Variants in UBE3C observed in about 807,000 individuals in gnomAD.
The protein encoded by UBE3C is ubiquitin-protein ligase E3C.
A neutral mutation model predicts 129.4 loss-of-function variants in UBE3C; 42 were observed. That is an observed-to-expected ratio of 0.32 (90% CI 0.25 to 0.42). UBE3C has a LOEUF of 0.42. Ranked by LOEUF, UBE3C falls within the 10% of genes least tolerant of loss-of-function variation. UBE3C has a pLI of 1.00. For missense variants in UBE3C, 1,049 were observed against 1,319.1 expected (o/e 0.80, Z 3.17); for synonymous variants, 510 against 492.4 (o/e 1.04, Z -0.47).
At chr7:157,165,501 G>A (rs989166043) in intron 2 of UBE3C, among the ~76,000 whole-genome samples, 3 of 151,196 alleles carry the variant, frequency 2.0e-5, no homozygotes, top group Middle Eastern at 3.4e-3. Flanking sequence ...AGGTTCAAGC[G>A]ATTCTCCTGC....
At chr7:157,230,690 G>A (rs1486162631) in intron 17 of UBE3C, among the ~76,000 whole-genome samples, 16 of 112,432 alleles carry the variant, frequency 1.4e-4, no homozygotes, top group East Asian at 5.2e-4. Context: ...GGCAGACCCC[G>A]TCTCAAAAAA....
intron 2 of UBE3C, among the ~76,000 whole-genome samples, chr7:157,164,731 A>G (rs981390281): frequency 2.6e-5 from 4 of 152,140 alleles, no homozygotes; most frequent in African/African-American, 9.7e-5. Context: ...CTTACTATGT[A>G]TGTACTAGGT....
At chr7:157,235,168 A>ATTTT (rs1796123130) in intron 18 of UBE3C, among the ~76,000 whole-genome samples, 1 of 152,182 alleles carries the variant, frequency 6.6e-6, no homozygotes, top group African/African-American at 2.4e-5. Flanking sequence ...CCAGCCTGGC[A>ATTTT]ACAAGAGCAA....
intron 1 of UBE3C, among the ~76,000 whole-genome samples, chr7:157,146,847 C>T (rs1807618572): frequency 6.6e-6 from 1 of 152,102 alleles, no homozygotes; most frequent in Non-Finnish European, 1.5e-5. Context: ...AACTGGATTT[C>T]ACCATGTTGG....
At chr7:157,142,854 A>ATTTT (rs10714296) in intron 1 of UBE3C, among the ~76,000 whole-genome samples, 1 of 142,084 alleles carries the variant, frequency 7.0e-6, no homozygotes, top group Non-Finnish European at 1.5e-5. Flanking sequence ...TAAAAGTTGA[A>ATTTT]TTTTTTTTTT....
At chr7:157,236,978 C>T (rs1192915157) in intron 18 of UBE3C, among the ~76,000 whole-genome samples, 1 of 152,110 alleles carries the variant, frequency 6.6e-6, no homozygotes, top group Non-Finnish European at 1.5e-5. Flanking sequence ...GTGATCTGCC[C>T]ATCTCAGCCT....
chr7:157,226,349 AT>A (rs1403639038), intron 17 of UBE3C, among the ~76,000 whole-genome samples: 2 of 152,196 alleles, frequency 1.3e-5, no homozygotes, highest in Non-Finnish European at 2.9e-5. Context: ...GTATGTTCAT[AT>A]TTGATACTCA....
intron 5 of UBE3C, among the ~76,000 whole-genome samples, chr7:157,177,559 G>A (rs757216989): frequency 3.3e-5 from 5 of 152,208 alleles, no homozygotes; most frequent in African/African-American, 9.6e-5. Context: ...TGCCCTTTGC[G>A]TCCCAGCGGC....
chr7:157,220,885 C>T (rs1242960829), intron 15 of UBE3C, 109 bp downstream of exon 15: 1 of 1,275,562 alleles, frequency 7.8e-7, no homozygotes, highest in Non-Finnish European at 1.1e-6. Flanking sequence ...AGCCATGTCA[C>T]TCCCAGCAGG....
intron 1 of UBE3C, among the ~76,000 whole-genome samples, chr7:157,147,987 A>G (rs1048137037): frequency 6.6e-6 from 1 of 152,212 alleles, no homozygotes. Flanking sequence ...AGGGACATCA[A>G]TTTAGGGTGT....
At chr7:157,159,879 C>A (rs941789076) in intron 1 of UBE3C, among the ~76,000 whole-genome samples, 2 of 152,130 alleles carry the variant, frequency 1.3e-5, no homozygotes, top group African/African-American at 4.8e-5. Flanking sequence ...AATCAGAATT[C>A]TTTGGTTAAT....
At position 157,207,861 on chromosome 7, in the gene UBE3C, A is replaced by G; in HGVS notation, c.1735A>G (p.Ile579Val). The G allele has an allele frequency of 1.2e-6, 2 of 1,613,826 alleles. No individual in the cohort carries two copies. The highest frequency in any genetic ancestry group is 1.6e-4 in the Middle Eastern group (1 of 6,062). Residue 579 changes from isoleucine to valine, a missense_variant, in exon 13 of 23, where the codon ATT becomes GTT. Around this residue, in one of 4 missense-constraint regions of UBE3C, gnomAD observed 314 missense variants for 416.9 expected, o/e 0.75. Coordinates refer to ENST00000348165, the MANE Select transcript of UBE3C (RefSeq NM_014671.3). ...REEYITAFQS[I>V]GVTTSSEMQQ... ...AGAATATATTACAGCATTTCAGAGTATTGGAGTTACTACTAGCTCTGAAAT... is the reference window on the plus strand; with the variant it reads ...AGAATATATTACAGCATTTCAGAGTGTTGGAGTTACTACTAGCTCTGAAAT...
chr7:157,188,396 T>G (rs771353094), intron 10 of UBE3C, among the ~76,000 whole-genome samples: 5 of 152,240 alleles, frequency 3.3e-5, no homozygotes, highest in Non-Finnish European at 5.9e-5. Flanking sequence ...CACTGGTGTT[T>G]ATTACCATCG....
At chr7:157,266,918 T>A (rs1314308199) in intron 22 of UBE3C, among the ~76,000 whole-genome samples, 2 of 152,040 alleles carry the variant, frequency 1.3e-5, no homozygotes, top group African/African-American at 4.8e-5. Flanking sequence ...TGATTTTTAT[T>A]TTTAGTGGAA....
intron 6 of UBE3C, among the ~76,000 whole-genome samples, chr7:157,179,387 T>A (rs1808610070): frequency 6.6e-6 from 1 of 152,164 alleles, no homozygotes; most frequent in Non-Finnish European, 1.5e-5. Flanking sequence ...TGCTAAAGTT[T>A]TAATACATTG....
rs1795823117 is a variant in UBE3C, at chr7:157,224,573, A to G, written c.2101-834A>G. ...GTCTTTGATGTACAAAACTTTGTTT[A>G]TATATGTTTCCAAATTTTAAAATGT... On this transcript the variant is annotated intron_variant, in intron 16 of 22. Coordinates refer to ENST00000348165, the MANE Select transcript of UBE3C (RefSeq NM_014671.3). 2.0e-5 allele frequency among the ~76,000 whole-genome samples: 3 copies of G among 152,176 alleles called. No individual in the cohort carries two copies. In the South Asian group the frequency reaches 6.2e-4, roughly 31 times the overall value.
At chr7:157,156,331 G>C (rs1807904010) in intron 1 of UBE3C, among the ~76,000 whole-genome samples, 1 of 113,948 alleles carries the variant, frequency 8.8e-6, no homozygotes, top group Non-Finnish European at 1.7e-5. Context: ...TTTTGAGACA[G>C]AGTCCTGCTC....
intron 4 of UBE3C, among the ~76,000 whole-genome samples, chr7:157,172,592 C>T (rs898361728): frequency 6.6e-6 from 1 of 152,100 alleles, no homozygotes; most frequent in Non-Finnish European, 1.5e-5. Context: ...AAACCGAGAA[C>T]GTGCAGAGAA....
At chr7:157,193,516 G>A (rs1049884770) in intron 10 of UBE3C, among the ~76,000 whole-genome samples, 2 of 152,088 alleles carry the variant, frequency 1.3e-5, no homozygotes, top group Non-Finnish European at 2.9e-5. Context: ...TTTATGACCC[G>A]GCTTACTGAT....
Sources: gnomAD v4.1 joint callset for allele counts (sites outside exome capture counted in the v4.1 genomes callset) on GRCh38, gnomAD v4.1.1 for gene constraint, gnomAD v4.1.1 regional missense constraint, MANE v1.5 for transcripts, NCBI Gene and HGNC (gene_info 2026-07-23, HGNC 2026-07-21) for gene names.